HERC1: variants seen among roughly 807,000 people sequenced by gnomAD.
HERC1 encodes HECT and RLD domain containing E3 ubiquitin protein ligase family member 1.
Under a neutral mutation model 554.3 loss-of-function variants are expected in HERC1, and 160 were observed. That is an observed-to-expected ratio of 0.29 (90% CI 0.25 to 0.33). The LOEUF is 0.33. Among genes scored for constraint, HERC1 ranks in the 10% least tolerant of loss-of-function variants. The pLI is 1.00. For synonymous variants in HERC1, 2,175 were observed against 2,131.7 expected, an observed-to-expected ratio of 1.02 and a Z score of -0.56; for missense variants, 4,919 against 5,918.5, an observed-to-expected ratio of 0.83 and a Z score of 5.54.
chr15:63,831,454 T>G (rs1178407713), intron 1 of HERC1, among the ~76,000 whole-genome samples: 1 of 152,230 alleles, frequency 6.6e-6, no homozygotes, highest in Non-Finnish European at 1.5e-5. Flanking sequence ...CAGATTATAG[T>G]AAGTTTGTTA....
intron 22 of HERC1, among the ~76,000 whole-genome samples, chr15:63,714,822 C>T (rs971975634): frequency 2.6e-5 from 4 of 152,076 alleles, no homozygotes; most frequent in Non-Finnish European, 5.9e-5. Flanking sequence ...GCTGGGATTA[C>T]AGCCGTGAGC....
intron 1 of HERC1, among the ~76,000 whole-genome samples, chr15:63,800,202 T>C (rs2076935429): frequency 6.6e-6 from 1 of 152,156 alleles, no homozygotes. Context: ...CATTTGTTAA[T>C]ATTTTTCTGT....
At chr15:63,741,850 C>T (rs1004717667) in intron 12 of HERC1, among the ~76,000 whole-genome samples, 1 of 152,090 alleles carries the variant, frequency 6.6e-6, no homozygotes, top group African/African-American at 2.4e-5. Flanking sequence ...TATATTTATC[C>T]TTCTGACACA....
chr15:63,769,980 A>C (rs1434120783), intron 2 of HERC1, among the ~76,000 whole-genome samples: 1 of 152,176 alleles, frequency 6.6e-6, no homozygotes, highest in African/African-American at 2.4e-5. Context: ...CAAAGACATA[A>C]GATTAGACGG....
Position 63,630,609 on chromosome 15 carries a change from G to T in HERC1, c.12823C>A (p.Arg4275Ser). ...TGCGGTCGATTGTGATTGCGAGCACGCCCCTCTGGCAAGCCTATCAGGCGA... is the reference window on the plus strand; with the variant it reads ...TGCGGTCGATTGTGATTGCGAGCACTCCCCTCTGGCAAGCCTATCAGGCGA... ...QDRLIGLPEGRARNHNRPQQI... is the reference protein window; with the variant it reads ...QDRLIGLPEGSARNHNRPQQI... The change falls in exon 69 of 78, where the codon CGT becomes AGT. Residue 4275 changes from arginine to serine, a missense_variant. Coordinates refer to ENST00000443617, the MANE Select transcript of HERC1 (RefSeq NM_003922.4). 1 of 1,612,644 alleles carries T rather than the reference G, an allele frequency of 6.2e-7. No individual in the cohort carries two copies. The highest frequency in any genetic ancestry group is 8.5e-7 in the Non-Finnish European group (1 of 1,179,394).
chr15:63,792,051 A>T (rs2076669280), intron 1 of HERC1, among the ~76,000 whole-genome samples: 1 of 152,240 alleles, frequency 6.6e-6, no homozygotes, highest in African/African-American at 2.4e-5. Context: ...CCAATAAAGT[A>T]CATAGTAGGT....
intron 22 of HERC1, among the ~76,000 whole-genome samples, chr15:63,714,597 T>C (rs1216967057): frequency 7.1e-6 from 1 of 140,196 alleles, no homozygotes; most frequent in Non-Finnish European, 1.5e-5. Flanking sequence ...TCGCCCGGGC[T>C]GGAGTGCAGT....
At position 63,692,506 on chromosome 15, in the gene HERC1, C is replaced by T. The variant is rs1006110586; in HGVS notation, c.5735G>A (p.Arg1912His). Residue 1912 changes from arginine to histidine, a missense_variant, in exon 31 of 78, where the codon CGC becomes CAC. This residue lies in a region of HERC1 where 1,121 missense variants were observed against 1,244.0 expected (regional missense o/e 0.90). Transcript: ENST00000443617. The surrounding 1 kb of genome is among the most constrained non-coding windows in gnomAD (Gnocchi z 4.7). ...LHLGDFLVFL[R>H]RVVSSKAIQS... ...AATTGCTTTTGAAGATACAACTCTG[C>T]GAAGAAAAACTAAAAAATCCCCTAG... The T allele has an allele frequency of 8.1e-6, 13 of 1,613,198 alleles. No individual in the cohort carries two copies. Among genetic ancestry groups the T allele is most frequent in the South Asian group, 1.1e-5 (1 of 90,862 alleles).
chr15:63,754,186 A>AG (rs935398373), intron 7 of HERC1, among the ~76,000 whole-genome samples: 11 of 151,940 alleles, frequency 7.2e-5, no homozygotes, highest in African/African-American at 2.7e-4. Flanking sequence ...AAAAAAAAAA[A>AG]CTATTAGAGT....
Position 63,680,759 on chromosome 15 carries a change from T to C in HERC1, c.6243A>G (p.Glu2081=). 6.2e-7 allele frequency: 1 copy of C among 1,611,468 alleles called. No individual in the cohort carries two copies. Residue 2081 remains glutamate (E), a synonymous_variant, in exon 35 of 78, where the codon GAA becomes GAG. Coordinates refer to ENST00000443617, the MANE Select transcript of HERC1 (RefSeq NM_003922.4). The surrounding 1 kb of genome is among the most constrained non-coding windows in gnomAD (Gnocchi z 5.8). Reference sequence around the variant, plus strand: ...CACACGTGCCTTCATTACCTCTGTTTTCCTTCACAATATAAAACTAAAATA... The same window carrying C: ...CACACGTGCCTTCATTACCTCTGTTCTCCTTCACAATATAAAACTAAAATA... The part of the protein sequence containing the change: ...CYQWKFYIVK[E]NRGNEGTCVG...
At chr15:63,667,466 T>C (rs1176363282) in intron 40 of HERC1, among the ~76,000 whole-genome samples, 2 of 151,740 alleles carry the variant, frequency 1.3e-5, no homozygotes, top group African/African-American at 4.8e-5. Context: ...AGTGTCTGAA[T>C]AGAAAAATAC....
At chr15:63,616,076 A>G (rs1005511199) in intron 75 of HERC1, among the ~76,000 whole-genome samples, 156 bp from the exon 76 acceptor site, 1 of 152,242 alleles carries the variant, frequency 6.6e-6, no homozygotes, top group African/African-American at 2.4e-5. Flanking sequence ...CTACTTGATC[A>G]GCAGGAATGT....
intron 57 of HERC1, 140 bp from the exon 58 acceptor site, chr15:63,643,690 A>T (rs555274391): frequency 7.9e-5 from 43 of 543,730 alleles, no homozygotes; most frequent in Non-Finnish European, 1.3e-5. Context: ...AAAGGATAGT[A>T]AGCTTGACTG....
intron 64 of HERC1, 118 bp from the exon 65 acceptor site, chr15:63,636,260 A>C (rs1429399299): frequency 2.4e-6 from 2 of 838,172 alleles, no homozygotes; most frequent in Admixed American, 5.7e-5. Flanking sequence ...TGAAAATAAG[A>C]ATAATTTCAT....
intron 1 of HERC1, among the ~76,000 whole-genome samples, chr15:63,818,417 G>A (rs1050627135): frequency 7.2e-5 from 11 of 152,142 alleles, no homozygotes; most frequent in Non-Finnish European, 1.5e-5. Context: ...GATGGCAGAC[G>A]AAAAGGAAGA....
chr15:63,751,986 G>A (rs2075265286), intron 8 of HERC1, among the ~76,000 whole-genome samples: 1 of 152,098 alleles, frequency 6.6e-6, no homozygotes, highest in Non-Finnish European at 1.5e-5. Context: ...AGAAGCACAT[G>A]ATGCTCAAGG....
chr15:63,675,299 G>C (rs1416025041), intron 37 of HERC1, 182 bp from the exon 38 acceptor site: 7 of 492,246 alleles, frequency 1.4e-5, no homozygotes, highest in Non-Finnish European at 2.5e-5. Context: ...AAAATGGGGA[G>C]ATGTGATACT....
intron 24 of HERC1, among the ~76,000 whole-genome samples, chr15:63,711,879 T>C (rs73448187): frequency 5.9e-5 from 9 of 152,220 alleles, no homozygotes; most frequent in African/African-American, 2.2e-4. Context: ...ATAGCACATA[T>C]AGAATCACAC....
intron 64 of HERC1, chr15:63,637,202 TACTGCTATTA>T (rs1475127187): frequency 2.0e-5 from 10 of 502,712 alleles, no homozygotes; most frequent in African/African-American, 1.9e-4. Flanking sequence ...GCATGATTGC[TACTGCTATTA>T]ACATCTGCCT....
Sources: allele counts gnomAD v4.1 joint callset (sites outside exome capture counted in the v4.1 genomes callset), GRCh38; gene constraint gnomAD v4.1.1; regional missense constraint gnomAD v4.1.1; non-coding constraint Gnocchi (gnomAD v3.1); transcripts MANE v1.5; gene names NCBI Gene and HGNC (gene_info 2026-07-23, HGNC 2026-07-21).